Variants in PPP2R3B observed in about 807,000 individuals in gnomAD.
The protein encoded by PPP2R3B is protein phosphatase 2 regulatory subunit B''beta.
A neutral mutation model predicts 72.9 loss-of-function variants in PPP2R3B; 68 were observed. That is an observed-to-expected ratio of 0.93 (90% CI 0.77 to 1.14). The LOEUF (loss-of-function observed/expected upper bound fraction) is 1.14. Among genes scored for constraint, PPP2R3B ranks in the 50% most tolerant of loss-of-function variants. The probability of loss-of-function intolerance (pLI) is 0.00; values close to 1 mark genes in which losing one functional copy is unlikely to be tolerated. For missense variants in PPP2R3B, 1,018 were observed against 842.0 expected, an observed-to-expected ratio of 1.21 and a Z score of -2.59; for synonymous variants, 466 against 375.8, an observed-to-expected ratio of 1.24 and a Z score of -2.78.
intron 1 of PPP2R3B, among the ~76,000 whole-genome samples, chrX:385,320 C>CTTTTTT (rs1178231888): frequency 1.5e-4 from 11 of 75,658 alleles, no homozygotes; most frequent in East Asian, 4.2e-4. Flanking sequence ...TTTTAGTTTT[C>CTTTTTT]TTTTTTTTTT....
chrX:338,363 C>A (rs1388745175), intron 12 of PPP2R3B: 1 of 601,484 alleles, frequency 1.7e-6, no homozygotes, highest in Admixed American at 2.9e-5. Flanking sequence ...CGCCCAGGAT[C>A]ACAGAACCCC....
At chrX:357,405 G>A (rs1412956007) in intron 2 of PPP2R3B, among the ~76,000 whole-genome samples, 2 of 152,074 alleles carry the variant, frequency 1.3e-5, no homozygotes, top group Non-Finnish European at 2.9e-5. Context: ...AATGACAGAA[G>A]GAAGTGTATG....
chrX:344,147 GCAACGGGAGGCGGGAGGGAGACCTCAC>G (rs2071141909), intron 7 of PPP2R3B, among the ~76,000 whole-genome samples: 2 of 15,524 alleles, frequency 1.3e-4, no homozygotes, highest in Admixed American at 4.6e-4. Context: ...GGAGACCTCA[GCAACGGGAGGCGGGAGGGAGACCTCAC>G]CAACGGGAGG....
Position 344,548 on chromosome X carries a change from C to T in PPP2R3B, c.1036+968G>A, listed in dbSNP as rs774437455. Among the ~76,000 whole-genome samples the T allele has an allele frequency of 2.4e-4, 37 of 152,346 alleles. 1 individual carries two copies. The highest frequency in any genetic ancestry group is 1.9e-3 in the South Asian group (9 of 4,834). ...GGACCGAGAGTGGGCTCCAGAGGAA[C>T]GCGGAAAGCTGGGGCCGCGCCGGGC... is the stretch of plus-strand genomic sequence containing the variant. On this transcript the variant is annotated intron_variant, in intron 7 of 12. Transcript: ENST00000390665.
chrX:346,023 G>C, intron 6 of PPP2R3B, 151 bp downstream of exon 6: 1 of 574,318 alleles, frequency 1.7e-6, no homozygotes, highest in South Asian at 1.9e-5. Flanking sequence ...GCCTGGGGGT[G>C]GGCTGGGAGC....
chrX:346,047 G>GGGTGGA (rs2071199541), intron 6 of PPP2R3B, 127 bp downstream of exon 6: 4 of 271,610 alleles, frequency 1.5e-5, no homozygotes, highest in East Asian at 5.4e-5. Flanking sequence ...GTGGAGGTGG[G>GGGTGGA]GGTGGGGGTG....
intron 2 of PPP2R3B, among the ~76,000 whole-genome samples, chrX:356,885 C>A (rs1193541735): frequency 1.1e-5 from 1 of 93,118 alleles, no homozygotes. Flanking sequence ...ATCCACACCC[C>A]GCCAGCCACA....
chrX:386,382 C>T lies in PPP2R3B; in HGVS notation c.310G>A (p.Ala104Thr). ...GAGTAACTTACTACTCTCGTCCCTG[C>T]GGATCTACGGGTGCCTCGAACGTGG... ...APHVRGTRRS[A>T]GTRVVQTRKE... is the part of the protein sequence containing the mutation. The change falls in exon 1 of 13, where the codon GCA becomes ACA. Residue 104 changes from alanine to threonine, a missense_variant. Coordinates refer to ENST00000390665, the MANE Select transcript of PPP2R3B (RefSeq NM_013239.5). The T allele has an allele frequency of 1.5e-6, 2 of 1,318,570 alleles. No homozygotes were observed. The highest frequency in any genetic ancestry group is 2.3e-4 in the Middle Eastern group (1 of 4,440). The allele number at this position is 1,318,570 out of a possible 1,614,324, so 81.7% of individuals were successfully genotyped here. A position where few individuals can be genotyped will look rare whatever the true frequency, so the allele number is the denominator to read the frequency against.
In PPP2R3B at chrX:345,389, G is replaced by A. The variant is rs762186515; in HGVS notation, c.1036+127C>T. 7 of 1,308,120 alleles carry A rather than the reference G, an allele frequency of 5.4e-6. No individual in the cohort carries two copies. The Admixed American group carries it at 8.0e-5, about 15-fold the overall frequency. 81.0% of individuals were successfully genotyped at this position (1,308,120 alleles called of 1,614,324 possible). ...GCTGCAGACACAGAGCGGCGAGTGC[G>A]AAGGAGAGGCAGCTGCAGACACAGA... is the stretch of plus-strand genomic sequence containing the variant. On this transcript the variant is annotated intron_variant, in intron 7 of 12. Coordinates refer to ENST00000390665, the MANE Select transcript of PPP2R3B (RefSeq NM_013239.5).
chrX:337,761 G>T (rs2070930052), intron 12 of PPP2R3B: 1 of 152,322 alleles, frequency 6.6e-6, no homozygotes, highest in South Asian at 2.1e-4. Context: ...ACGGAGGAAG[G>T]TTCCGGAACG....
chrX:364,732 G>A (rs1302836534), intron 1 of PPP2R3B, among the ~76,000 whole-genome samples: 1 of 45,220 alleles, frequency 2.2e-5, no homozygotes, highest in Non-Finnish European at 3.5e-5. Flanking sequence ...CAAAACAAAC[G>A]ATTAACCAGG....
chrX:342,247 G>T, intron 7 of PPP2R3B: 2 of 534,108 alleles, frequency 3.7e-6, no homozygotes, highest in Non-Finnish European at 6.8e-6. Context: ...CCTCGAGTGT[G>T]ATCACGGAAA....
chrX:350,545 G>GTC (rs10692987), intron 2 of PPP2R3B, among the ~76,000 whole-genome samples: 15,720 of 152,220 alleles, frequency 0.1, 2,237 homozygotes, highest in African/African-American at 0.31. Flanking sequence ...ACACGACCGA[G>GTC]TGGACATGCA....
At position 359,327 on chromosome X, in the gene PPP2R3B, G is replaced by A. The variant is rs780205988; in HGVS notation, c.510+2078C>T. 4.7e-4 allele frequency among the ~76,000 whole-genome samples: 71 copies of A among 152,350 alleles called. No individual in the cohort carries two copies. The East Asian group carries it at 9.7e-3, about 21-fold the overall frequency. Reference sequence around the variant, plus strand: ...AGGATAAAACGCGGAAGCTGAGCAAGGCGTGTTAAGTCGAGTGAGTCTGCC... The same window carrying A: ...AGGATAAAACGCGGAAGCTGAGCAAAGCGTGTTAAGTCGAGTGAGTCTGCC... On this transcript the variant is annotated intron_variant, in intron 2 of 12. Transcript: ENST00000390665.
At chrX:338,486 C>A in intron 12 of PPP2R3B, 118 bp downstream of exon 12, 1 of 1,061,824 alleles carries the variant, frequency 9.4e-7, no homozygotes, top group Non-Finnish European at 1.4e-6. Context: ...GCGCACCCCA[C>A]CTGACTGACC....
chrX:350,746 T>C (rs1174393462), intron 2 of PPP2R3B, among the ~76,000 whole-genome samples: 1 of 152,134 alleles, frequency 6.6e-6, no homozygotes. Context: ...TCCGCGTTGC[T>C]GGGGGAACTG....
chrX:345,103 G>T (rs1244340886), intron 7 of PPP2R3B: 2 of 473,382 alleles, frequency 4.2e-6, no homozygotes, highest in Non-Finnish European at 8.3e-6. Context: ...GCTAAGCCTG[G>T]GGCTCCACCT....
At chrX:380,140 T>C (rs1343845771) in intron 1 of PPP2R3B, among the ~76,000 whole-genome samples, 2 of 152,022 alleles carry the variant, frequency 1.3e-5, no homozygotes, top group Non-Finnish European at 2.9e-5. Flanking sequence ...TCAAGATAAA[T>C]AGGAGAAAAT....
At position 340,770 on chromosome X, in the gene PPP2R3B, G is replaced by C. The variant is rs868230724; in HGVS notation, c.1346C>G (p.Thr449Ser). 1 of 1,418,980 alleles carries C rather than the reference G, an allele frequency of 7.0e-7. No homozygotes were observed. Among genetic ancestry groups the C allele is most frequent in the Non-Finnish European group, 9.3e-7 (1 of 1,071,946 alleles). 87.9% of individuals were successfully genotyped at this position (1,418,980 alleles called of 1,614,324 possible). The change falls in exon 10 of 13, where the codon ACT becomes AGT. Residue 449 changes from threonine to serine, a missense_variant. By Grantham distance (58) the Thr-to-Ser change is moderately conservative (BLOSUM62 1). Transcript: ENST00000390665. ...ATGCCCTCACGGGGCATCACCTTCA[G>C]TCCTCGGCTTGACCAGGTCCAGCAT... ...CQMLDLVKPR[T>S]EGKITLQDLK...
Sources: gnomAD v4.1 joint callset for allele counts (sites outside exome capture counted in the v4.1 genomes callset) on GRCh38, gnomAD v4.1.1 for gene constraint, MANE v1.5 for transcripts, NCBI Gene and HGNC (gene_info 2026-07-23, HGNC 2026-07-21) for gene names.